NSMCE2: variants seen among roughly 807,000 people sequenced by gnomAD.
The protein encoded by NSMCE2 is E3 SUMO-protein ligase NSE2.
In NSMCE2, 24 loss-of-function variants were observed where a neutral mutation model predicts 23.8. That is an observed-to-expected ratio of 1.01 (90% CI 0.73 to 1.42). The LOEUF is 1.42. Among genes scored for constraint, NSMCE2 ranks in the 40% most tolerant of loss-of-function variants. The probability of loss-of-function intolerance (pLI) is 0.00; values close to 1 mark genes in which losing one functional copy is unlikely to be tolerated. For synonymous variants in NSMCE2, 92 were observed against 94.1 expected (o/e 0.98, Z 0.13); for missense variants, 284 against 296.5 (o/e 0.96, Z 0.31).
At chr8:125,175,889 C>G (rs1052650558) in intron 4 of NSMCE2, among the ~76,000 whole-genome samples, 1 of 152,118 alleles carries the variant, frequency 6.6e-6, no homozygotes, top group South Asian at 2.1e-4. Flanking sequence ...GTAGTTTCAG[C>G]GTGGATGAGG....
At chr8:125,343,495 C>T (rs1412124416) in intron 5 of NSMCE2, among the ~76,000 whole-genome samples, 2 of 148,698 alleles carry the variant, frequency 1.3e-5, no homozygotes, top group African/African-American at 4.9e-5. Context: ...ATGAATTAGC[C>T]AGGCGTGTTG....
chr8:125,270,032 T>G (rs1247680518), intron 5 of NSMCE2, among the ~76,000 whole-genome samples: 1 of 152,198 alleles, frequency 6.6e-6, no homozygotes, highest in Admixed American at 6.5e-5. Context: ...TTCAATACAG[T>G]CTTGCAACTG....
At chr8:125,106,145 A>G (rs938586927) in intron 3 of NSMCE2, among the ~76,000 whole-genome samples, 1 of 152,112 alleles carries the variant, frequency 6.6e-6, no homozygotes, top group Non-Finnish European at 1.5e-5. Context: ...TCTGCATATA[A>G]TTCAGCTCTA....
At chr8:125,092,283 T>A (rs1817700195) in intron 1 of NSMCE2, among the ~76,000 whole-genome samples, 1 of 152,224 alleles carries the variant, frequency 6.6e-6, no homozygotes, top group South Asian at 2.1e-4. Context: ...TTATGTAGAT[T>A]GCAGTGAGAA....
intron 5 of NSMCE2, among the ~76,000 whole-genome samples, chr8:125,281,409 G>A (rs560914984): frequency 6.6e-6 from 1 of 152,260 alleles, no homozygotes; most frequent in African/African-American, 2.4e-5. Flanking sequence ...ATACAGCAAG[G>A]TTGCCAGAGG....
At chr8:125,353,513 A>G (rs570692246) in intron 5 of NSMCE2, among the ~76,000 whole-genome samples, 1 of 152,266 alleles carries the variant, frequency 6.6e-6, no homozygotes, top group South Asian at 2.1e-4. Context: ...ATGAAAACCC[A>G]TCATAGCCAT....
chr8:125,219,898 C>G (rs1824774924), intron 5 of NSMCE2, among the ~76,000 whole-genome samples: 1 of 152,186 alleles, frequency 6.6e-6, no homozygotes, highest in South Asian at 2.1e-4. Flanking sequence ...TCGTGCCATT[C>G]AGAAAGCTCT....
At chr8:125,183,022 T>G (rs922170130) in intron 5 of NSMCE2, among the ~76,000 whole-genome samples, 2 of 152,200 alleles carry the variant, frequency 1.3e-5, no homozygotes, top group African/African-American at 4.8e-5. Context: ...AGTCTTTGCT[T>G]CTTTTAGGAT....
At chr8:125,270,751 G>A (rs1827146819) in intron 5 of NSMCE2, 1 of 152,146 alleles carries the variant, frequency 6.6e-6, no homozygotes, top group African/African-American at 2.4e-5. Context: ...GACCCCTCAG[G>A]AGCAGGGAAC....
At chr8:125,129,266 T>C (rs1586477378) in intron 3 of NSMCE2, among the ~76,000 whole-genome samples, 1 of 151,842 alleles carries the variant, frequency 6.6e-6, no homozygotes, top group African/African-American at 2.4e-5. Context: ...CACTGGAGGG[T>C]AGGAGGAAAT....
intron 7 of NSMCE2, among the ~76,000 whole-genome samples, chr8:125,360,469 G>T (rs1167782846): frequency 2.0e-5 from 3 of 152,212 alleles, no homozygotes; most frequent in Non-Finnish European, 4.4e-5. Context: ...TCACTGTGAT[G>T]CCTTAGCACC....
At chr8:125,362,821 A>T (rs1813614889) in intron 7 of NSMCE2, among the ~76,000 whole-genome samples, 1 of 152,142 alleles carries the variant, frequency 6.6e-6, no homozygotes, top group South Asian at 2.1e-4. Context: ...TCACTCTGGG[A>T]TCCATCCCAC....
chr8:125,127,756 G>A (rs1391847137), intron 3 of NSMCE2, among the ~76,000 whole-genome samples: 1 of 152,056 alleles, frequency 6.6e-6, no homozygotes, highest in Non-Finnish European at 1.5e-5. Flanking sequence ...TGAAATGTTT[G>A]GGACCAGAAG....
At chr8:125,259,981 C>G (rs998788465) in intron 5 of NSMCE2, among the ~76,000 whole-genome samples, 1 of 152,158 alleles carries the variant, frequency 6.6e-6, no homozygotes, top group African/African-American at 2.4e-5. Context: ...GATGAAGCAA[C>G]CGAGGCAGCA....
chr8:125,270,036 G>T (rs1014994397), intron 5 of NSMCE2, among the ~76,000 whole-genome samples: 3 of 152,162 alleles, frequency 2.0e-5, no homozygotes, highest in African/African-American at 7.2e-5. Context: ...ATACAGTCTT[G>T]CAACTGTAGT....
chr8:125,135,607 C>CT (rs577495240), intron 3 of NSMCE2, among the ~76,000 whole-genome samples: 9 of 149,598 alleles, frequency 6.0e-5, no homozygotes, highest in East Asian at 3.9e-4. Flanking sequence ...TATTTTCCTT[C>CT]TTTTTTTTTT....
chr8:125,097,526 T>G (rs574168023), intron 1 of NSMCE2, among the ~76,000 whole-genome samples: 1 of 152,318 alleles, frequency 6.6e-6, no homozygotes, highest in East Asian at 1.9e-4. Flanking sequence ...CCTGATAATT[T>G]AGACCTTTCC....
intron 5 of NSMCE2, among the ~76,000 whole-genome samples, chr8:125,297,858 T>C (rs1828390865): frequency 6.6e-6 from 1 of 151,958 alleles, no homozygotes; most frequent in South Asian, 2.1e-4. Context: ...TGATTACTTT[T>C]ACAATATGCA....
In NSMCE2 at chr8:125,151,152, C is replaced by T; in HGVS notation, c.158-19C>T. ...CATTTTAAATGGAAAATAATAATTG[C>T]AATTTTTTTTTCTTTCAGCTGAAGT... is the stretch of plus-strand genomic sequence containing the variant. On this transcript the variant is annotated intron_variant, in intron 3 of 7. Coordinates refer to ENST00000287437, the MANE Select transcript of NSMCE2 (RefSeq NM_173685.4). The T allele has an allele frequency of 7.3e-7, 1 of 1,364,464 alleles. No homozygotes were observed. The highest frequency in any genetic ancestry group is 1.0e-6 in the Non-Finnish European group (1 of 961,774). The allele number at this position is 1,364,464 out of a possible 1,614,324, so 84.5% of individuals were successfully genotyped here. A position where few individuals can be genotyped will look rare whatever the true frequency, so the allele number is the denominator to read the frequency against.
Sources: gnomAD v4.1 joint callset for allele counts (sites outside exome capture counted in the v4.1 genomes callset) on GRCh38, gnomAD v4.1.1 for gene constraint, MANE v1.5 for transcripts, NCBI Gene and HGNC (gene_info 2026-07-23, HGNC 2026-07-21) for gene names.